The following GULP1 variants were observed in gnomAD, a reference collection of about 807,000 sequenced individuals.
GULP1 encodes the protein PTB domain-containing engulfment adapter protein 1.
GULP1 carries 19 observed loss-of-function variants against 40.9 expected under a neutral mutation model. The ratio of observed to expected loss-of-function variants is 0.46; its 90% CI spans 0.32 to 0.68. The LOEUF (loss-of-function observed/expected upper bound fraction) is 0.68, where lower values mean the gene tolerates loss of function less well. Among genes scored for constraint, GULP1 ranks in the 30% least tolerant of loss-of-function variants. The pLI is 0.03. For synonymous variants in GULP1, 119 were observed against 117.6 expected, an observed-to-expected ratio of 1.01 and a Z score of -0.08; for missense variants, 312 against 362.2, an observed-to-expected ratio of 0.86 and a Z score of 1.12.
chr2:188,458,476 CT>C (rs1386550917), intron 2 of GULP1, among the ~76,000 whole-genome samples: 3 of 152,078 alleles, frequency 2.0e-5, no homozygotes, highest in Non-Finnish European at 4.4e-5. Flanking sequence ...TTCTAGCCCC[CT>C]ATCCTCTGAA....
chr2:188,503,916 C>T (rs1449096957), intron 4 of GULP1, among the ~76,000 whole-genome samples: 1 of 151,848 alleles, frequency 6.6e-6, no homozygotes, highest in Admixed American at 6.6e-5. Flanking sequence ...TCTTAGAATA[C>T]CTACCTGTAT....
At chr2:188,347,277 T>C (rs940157101) in intron 1 of GULP1, among the ~76,000 whole-genome samples, 2 of 152,166 alleles carry the variant, frequency 1.3e-5, no homozygotes, top group African/African-American at 2.4e-5. Flanking sequence ...TTCAAGTGTA[T>C]GTGACAGGTA....
At chr2:188,335,015 G>A (rs1488142929) in intron 1 of GULP1, among the ~76,000 whole-genome samples, 1 of 152,140 alleles carries the variant, frequency 6.6e-6, no homozygotes, top group Non-Finnish European at 1.5e-5. Context: ...AAGATATACG[G>A]AACAATTTTT....
chr2:188,320,810 C>T (rs1201470035), intron 1 of GULP1, among the ~76,000 whole-genome samples: 2 of 151,634 alleles, frequency 1.3e-5, no homozygotes, highest in African/African-American at 4.8e-5. Context: ...ATTTGCAAAA[C>T]TCAGTAATGT....
intron 1 of GULP1, among the ~76,000 whole-genome samples, chr2:188,357,616 A>C (rs1179995439): frequency 6.6e-6 from 1 of 152,172 alleles, no homozygotes; most frequent in African/African-American, 2.4e-5. Context: ...AAATTAGCAC[A>C]GCTATTACAG....
chr2:188,403,187 T>A (rs901834060), intron 2 of GULP1, among the ~76,000 whole-genome samples: 5 of 152,156 alleles, frequency 3.3e-5, no homozygotes, highest in Admixed American at 6.5e-5. Flanking sequence ...GTACCCTAAG[T>A]CTCTCATATT....
intron 2 of GULP1, among the ~76,000 whole-genome samples, chr2:188,411,511 G>C (rs910172628): frequency 6.6e-6 from 1 of 152,138 alleles, no homozygotes; most frequent in Non-Finnish European, 1.5e-5. Flanking sequence ...GGGGAAATAG[G>C]CTGAGTGGTG....
At chr2:188,420,304 A>T (rs550537026) in intron 2 of GULP1, among the ~76,000 whole-genome samples, 84 of 152,326 alleles carry the variant, frequency 5.5e-4, no homozygotes, top group African/African-American at 1.9e-3. Context: ...ATTGTCTTTC[A>T]ATAAATACAG....
At chr2:188,348,858 T>C (rs2044064596) in intron 1 of GULP1, among the ~76,000 whole-genome samples, 1 of 152,194 alleles carries the variant, frequency 6.6e-6, no homozygotes, top group Admixed American at 6.5e-5. Context: ...CTTTATCTTC[T>C]ATCAGTAAAT....
At chr2:188,347,873 C>T (rs1305678279) in intron 1 of GULP1, among the ~76,000 whole-genome samples, 2 of 152,116 alleles carry the variant, frequency 1.3e-5, no homozygotes. Context: ...CCACCTGGGA[C>T]TTTAAAAGCC....
intron 2 of GULP1, among the ~76,000 whole-genome samples, chr2:188,411,120 G>GTGAAGCTCTTTAC (rs1445427748): frequency 2.5e-3 from 378 of 152,250 alleles, no homozygotes; most frequent in African/African-American, 8.1e-3. Flanking sequence ...TTCACTGGCT[G>GTGAAGCTCTTTAC]ATCGGGGCAT....
rs562057969 is a variant in GULP1 at position 188,592,205 on chromosome 2, T to G, written c.844-1735T>G. ...TCAGGGTAATTGAAGTGATACTGGT[T>G]TACTAGCAGAATGAACTGATAAAAT... On this transcript the variant is annotated intron_variant, in intron 11 of 11. Transcript: ENST00000409830. 3 of 152,094 alleles carry G rather than the reference T, an allele frequency of 2.0e-5. No homozygotes were observed. The South Asian group carries it at 6.2e-4, about 32-fold the overall frequency. The allele number at this position is 152,094 out of a possible 1,614,324, so 9.4% of individuals were successfully genotyped here. A position where few individuals can be genotyped will look rare whatever the true frequency, so the allele number is the denominator to read the frequency against.
chr2:188,305,561 C>T (rs2036915618), intron 1 of GULP1, among the ~76,000 whole-genome samples: 1 of 152,120 alleles, frequency 6.6e-6, no homozygotes, highest in East Asian at 1.9e-4. Context: ...GACAGGAGGT[C>T]AGAGAGGTTT....
At position 188,430,564 on chromosome 2, in the gene GULP1, A is replaced by G. The variant is rs182525261; in HGVS notation, c.-45+46675A>G. 9.9e-4 allele frequency among the ~76,000 whole-genome samples: 151 copies of G among 152,362 alleles called. 1 individual carries two copies. The highest frequency in any genetic ancestry group is 3.6e-3 in the African/African-American group (149 of 41,580). Reference sequence around the variant, plus strand: ...CCTGGTTATAATGAACACTTTAAACATATGTTTGGGCTCAGAAAACAATAC... The same window carrying G: ...CCTGGTTATAATGAACACTTTAAACGTATGTTTGGGCTCAGAAAACAATAC... On this transcript the variant is annotated intron_variant, in intron 2 of 11. Transcript: ENST00000409830.
At chr2:188,493,909 A>G (rs1382302544) in intron 4 of GULP1, among the ~76,000 whole-genome samples, 1 of 152,042 alleles carries the variant, frequency 6.6e-6, no homozygotes, top group Non-Finnish European at 1.5e-5. Flanking sequence ...TCAGATTTAC[A>G]TGACAACTCT....
chr2:188,443,749 C>T lies in GULP1; in HGVS notation c.-44-33910C>T, dbSNP rs1312037649. Among the ~76,000 whole-genome samples, 11 of 150,180 alleles carry T rather than the reference C, an allele frequency of 7.3e-5. No homozygotes were observed. In the East Asian group the frequency reaches 2.2e-3, roughly 30 times the overall value. Reference sequence around the variant, plus strand: ...TCGCCCAGGCTGGAGTGCAATGGCACGATCTCGGCTCACTGCCACCTCCGC... The same window carrying T: ...TCGCCCAGGCTGGAGTGCAATGGCATGATCTCGGCTCACTGCCACCTCCGC... On this transcript the variant is annotated intron_variant, in intron 2 of 11. Transcript: ENST00000409830.
At chr2:188,395,096 C>T (rs575049028) in intron 2 of GULP1, among the ~76,000 whole-genome samples, 14 of 152,046 alleles carry the variant, frequency 9.2e-5, no homozygotes, top group Non-Finnish European at 2.1e-4. Context: ...CAGTAGTGGA[C>T]AGAGGTCCCA....
At chr2:188,373,413 C>G (rs1422851397) in intron 1 of GULP1, among the ~76,000 whole-genome samples, 1 of 151,762 alleles carries the variant, frequency 6.6e-6, no homozygotes, top group Non-Finnish European at 1.5e-5. Flanking sequence ...GTGATGCTGT[C>G]CTGTATACCA....
At chr2:188,446,669 G>A (rs2058413155) in intron 2 of GULP1, among the ~76,000 whole-genome samples, 1 of 152,080 alleles carries the variant, frequency 6.6e-6, no homozygotes, top group South Asian at 2.1e-4. Flanking sequence ...CATACACTAG[G>A]ATCCTTTCAC....
Sources: gnomAD v4.1 joint callset for allele counts (sites outside exome capture counted in the v4.1 genomes callset) on GRCh38, gnomAD v4.1.1 for gene constraint, MANE v1.5 for transcripts, NCBI Gene and HGNC (gene_info 2026-07-23, HGNC 2026-07-21) for gene names.